MEGF9: variants seen among roughly 807,000 people sequenced by gnomAD.
The protein encoded by MEGF9 is multiple epidermal growth factor-like domains protein 9.
MEGF9 carries 6 observed loss-of-function variants against 46.8 expected under a neutral mutation model. That is an observed-to-expected ratio of 0.13 (90% CI 0.07 to 0.25). The LOEUF is 0.25. Among genes scored for constraint, MEGF9 ranks in the 10% least tolerant of loss-of-function variants. MEGF9 has a pLI of 1.00. For missense variants in MEGF9, 683 were observed against 792.4 expected, an observed-to-expected ratio of 0.86 and a Z score of 1.66; for synonymous variants, 302 against 330.7, an observed-to-expected ratio of 0.91 and a Z score of 0.94.
intron 2 of MEGF9, among the ~76,000 whole-genome samples, chr9:120,658,748 C>T (rs754611190): frequency 6.6e-6 from 1 of 152,180 alleles, no homozygotes; most frequent in Non-Finnish European, 1.5e-5. Flanking sequence ...ACTTTCAGTG[C>T]AGTACAAGGC....
chr9:120,637,107 T>C (rs1184362335), intron 2 of MEGF9, among the ~76,000 whole-genome samples: 2 of 152,236 alleles, frequency 1.3e-5, no homozygotes, highest in Non-Finnish European at 2.9e-5. Flanking sequence ...GGGATGCTGT[T>C]AATCTATAAC....
rs1174423700 is a variant in MEGF9 at position 120,714,221 on chromosome 9, CCCG to C, written c.135_137del (p.Gly46del). ...GCGACGCGTCCACCTGCCCCGCGGC[CCCG>C]CCGCCACCGGTGACATTCCCCGCCG... On this transcript the variant is annotated inframe_deletion, in exon 1 of 6. Transcript: ENST00000373930. 1.6e-6 allele frequency: 2 copies of C among 1,236,274 alleles called. No homozygotes were observed. Among genetic ancestry groups the C allele is most frequent in the Non-Finnish European group, 2.0e-6 (2 of 992,064 alleles). 76.6% of individuals were successfully genotyped at this position (1,236,274 alleles called of 1,614,324 possible).
chr9:120,620,171 T>G (rs1479764982), intron 3 of MEGF9, among the ~76,000 whole-genome samples: 4 of 152,212 alleles, frequency 2.6e-5, no homozygotes, highest in African/African-American at 9.6e-5. Flanking sequence ...GGTCAGCACT[T>G]ACATGACAGT....
intron 2 of MEGF9, among the ~76,000 whole-genome samples, chr9:120,634,989 T>C (rs544464706): frequency 3.9e-5 from 6 of 152,358 alleles, no homozygotes; most frequent in Admixed American, 3.9e-4. Context: ...GAGCATTTCA[T>C]GTAAGGCTGT....
At chr9:120,699,882 G>A (rs1205824470) in intron 1 of MEGF9, among the ~76,000 whole-genome samples, 1 of 151,874 alleles carries the variant, frequency 6.6e-6, no homozygotes, top group Non-Finnish European at 1.5e-5. Flanking sequence ...AATACTAAAG[G>A]ACCTCAAACC....
At chr9:120,690,356 C>T (rs2043842737) in intron 1 of MEGF9, among the ~76,000 whole-genome samples, 2 of 152,038 alleles carry the variant, frequency 1.3e-5, no homozygotes, top group Non-Finnish European at 2.9e-5. Flanking sequence ...TTCATCAATG[C>T]CCTGGAGTCA....
At chr9:120,697,093 T>G (rs769927549) in intron 1 of MEGF9, among the ~76,000 whole-genome samples, 8 of 152,216 alleles carry the variant, frequency 5.3e-5, no homozygotes, top group African/African-American at 1.4e-4. Context: ...CCTTTCTTTC[T>G]TTTTTTGGAG....
At chr9:120,651,985 A>T (rs1047216319) in intron 2 of MEGF9, among the ~76,000 whole-genome samples, 1 of 151,500 alleles carries the variant, frequency 6.6e-6, no homozygotes, top group East Asian at 1.9e-4. Context: ...ATTGAAGACA[A>T]TAAGAGAATT....
chr9:120,637,790 C>CAAAAA lies in MEGF9; in HGVS notation c.804-15040_804-15036dup, dbSNP rs34861368. ...AGGGCAACAGGGCAAGACTCTGTCT[C>CAAAAA]AAAAAAAAAAAAAAAAAAAAAAAAA... On this transcript the variant is annotated intron_variant, in intron 2 of 5. Coordinates refer to ENST00000373930, the MANE Select transcript of MEGF9 (RefSeq NM_001080497.3). Among the ~76,000 whole-genome samples the CAAAAA allele has an allele frequency of 1.3e-3, 44 of 34,786 alleles. 8 individuals carry two copies. Among genetic ancestry groups the CAAAAA allele is most frequent in the Admixed American group, 3.4e-3 (7 of 2,064 alleles). 22.8% of individuals were successfully genotyped at this position (34,786 alleles called of 152,430 possible).
chr9:120,685,207 T>C (rs1587995232), intron 1 of MEGF9, among the ~76,000 whole-genome samples: 1 of 152,324 alleles, frequency 6.6e-6, no homozygotes, highest in African/African-American at 2.4e-5. Context: ...CTGCAAGCAA[T>C]ACAGACATAG....
rs1229787681 is a variant in MEGF9 at position 120,659,507 on chromosome 9, A to G, written c.670T>C (p.Cys224Arg). ...VNRCNQTTGQ[C>R]ECRPGYQGLH... ...CCCTGATAACCTGGCCGACACTCACACTGCCCTGTGGTCTGGTTGCAGCGA... is the reference window on the plus strand; with the variant it reads ...CCCTGATAACCTGGCCGACACTCACGCTGCCCTGTGGTCTGGTTGCAGCGA... The change falls in exon 2 of 6, where the codon TGT becomes CGT. Residue 224 changes from cysteine (C) to arginine (R), a missense_variant. By Grantham distance (180) the Cys-to-Arg change is radical (BLOSUM62 -3). Coordinates refer to ENST00000373930, the MANE Select transcript of MEGF9 (RefSeq NM_001080497.3). The G allele has an allele frequency of 6.2e-7, 1 of 1,613,798 alleles. No individual in the cohort carries two copies. The highest frequency in any genetic ancestry group is 8.5e-7 in the Non-Finnish European group (1 of 1,179,832).
At chr9:120,642,537 G>T (rs1182131557) in intron 2 of MEGF9, among the ~76,000 whole-genome samples, 1 of 152,164 alleles carries the variant, frequency 6.6e-6, no homozygotes, top group African/African-American at 2.4e-5. Context: ...CAAGAATGGA[G>T]GTTTAAAGTG....
At position 120,714,264 on chromosome 9, in the gene MEGF9, A is replaced by G. The variant is rs1588004697; in HGVS notation, c.95T>C (p.Val32Ala). Reference sequence around the variant, plus strand: ...ATTCCCCGCCGAGGCGGCTGAGGCGACGGCGGCGGCGGCGGCGGCGGCGGC... The same window carrying G: ...ATTCCCCGCCGAGGCGGCTGAGGCGGCGGCGGCGGCGGCGGCGGCGGCGGC... ...CCAAAAAAAA[V>A]ASAASAGNVT... Residue 32 changes from valine to alanine, a missense_variant, in exon 1 of 6, where the codon GTC becomes GCC. Physicochemically the swap from Val to Ala is moderately conservative, Grantham distance 64 (BLOSUM62 0). Around this residue, in one of 2 missense-constraint regions of MEGF9, gnomAD observed 370 missense variants for 371.3 expected, o/e 1.00. Coordinates refer to ENST00000373930, the MANE Select transcript of MEGF9 (RefSeq NM_001080497.3). 4.0e-6 allele frequency: 5 copies of G among 1,238,350 alleles called. No individual in the cohort carries two copies. Among genetic ancestry groups the G allele is most frequent in the East Asian group, 3.3e-5 (1 of 29,994 alleles). The allele number at this position is 1,238,350 out of a possible 1,614,324, so 76.7% of individuals were successfully genotyped here. A position where few individuals can be genotyped will look rare whatever the true frequency, so the allele number is the denominator to read the frequency against.
chr9:120,684,219 A>G (rs1426098237), intron 1 of MEGF9, among the ~76,000 whole-genome samples: 1 of 152,194 alleles, frequency 6.6e-6, no homozygotes, highest in African/African-American at 2.4e-5. Flanking sequence ...CTGCTTCTTC[A>G]AACATACAGA....
rs1049466617 is a variant in MEGF9 at position 120,650,096 on chromosome 9, C to T, written c.803+9278G>A. Reference sequence around the variant, plus strand: ...CCTGGCCAAGATGGTGAAATCCCGTCTCTACTAAAAATACAAAAAAATATT... The same window carrying T: ...CCTGGCCAAGATGGTGAAATCCCGTTTCTACTAAAAATACAAAAAAATATT... On this transcript the variant is annotated intron_variant, in intron 2 of 5. Transcript: ENST00000373930. Among the ~76,000 whole-genome samples the T allele has an allele frequency of 2.0e-5, 3 of 152,088 alleles. No homozygotes were observed. In the East Asian group the frequency reaches 5.8e-4, roughly 29 times the overall value.
At chr9:120,713,646 A>C in intron 1 of MEGF9, 112 bp downstream of exon 1, 1 of 1,229,230 alleles carries the variant, frequency 8.1e-7, no homozygotes, top group Non-Finnish European at 1.0e-6. Context: ...GGGAGCCGGA[A>C]CCTGGGGTGT....
At chr9:120,629,600 C>G (rs2043541711) in intron 2 of MEGF9, among the ~76,000 whole-genome samples, 1 of 151,454 alleles carries the variant, frequency 6.6e-6, no homozygotes, top group Admixed American at 6.6e-5. Flanking sequence ...AAGATTGTGC[C>G]ACTGCACTCC....
Position 120,622,600 on chromosome 9 carries a change from T to TA in MEGF9, c.943+15dup. 6.2e-7 allele frequency: 1 copy of TA among 1,612,564 alleles called. No individual in the cohort carries two copies. Among genetic ancestry groups the TA allele is most frequent in the Non-Finnish European group, 8.5e-7 (1 of 1,179,414 alleles). ...CAGTGGAATAATTACATGACAAAGTTAAGGAAAGTACGTACCTGTGAGGGC... is the reference window on the plus strand; with the variant it reads ...CAGTGGAATAATTACATGACAAAGTTAAAGGAAAGTACGTACCTGTGAGGGC... On this transcript the variant is annotated intron_variant, in intron 3 of 5. Transcript: ENST00000373930.
chr9:120,662,546 T>C (rs545173074), intron 1 of MEGF9, among the ~76,000 whole-genome samples: 2 of 152,378 alleles, frequency 1.3e-5, no homozygotes, highest in Admixed American at 6.5e-5. Context: ...GCTCTCTCAC[T>C]AACTTTATAA....
Sources: allele counts gnomAD v4.1 joint callset (sites outside exome capture counted in the v4.1 genomes callset), GRCh38; gene constraint gnomAD v4.1.1; regional missense constraint gnomAD v4.1.1; transcripts MANE v1.5; gene names NCBI Gene and HGNC (gene_info 2026-07-23, HGNC 2026-07-21).